TIMMDC1: variants seen among roughly 807,000 people sequenced by gnomAD.
The protein encoded by TIMMDC1 is translocase of inner mitochondrial membrane domain containing 1, also known as complex I assembly factor TIMMDC1, mitochondrial.
A neutral mutation model predicts 32.6 loss-of-function variants in TIMMDC1; 25 were observed. That is an observed-to-expected ratio of 0.77 (90% CI 0.56 to 1.07). TIMMDC1 has a LOEUF of 1.07. Among genes scored for constraint, TIMMDC1 ranks in the 50% least tolerant of loss-of-function variants. The probability of loss-of-function intolerance (pLI) is 0.00; values close to 1 mark genes in which losing one functional copy is unlikely to be tolerated. For synonymous variants in TIMMDC1, 130 were observed against 127.6 expected (o/e 1.02, Z -0.13); for missense variants, 329 against 349.2 (o/e 0.94, Z 0.46).
intron 5 of TIMMDC1, among the ~76,000 whole-genome samples, chr3:119,516,833 A>G (rs1374406411): frequency 1.3e-5 from 2 of 152,168 alleles, no homozygotes; most frequent in Non-Finnish European, 2.9e-5. Context: ...CTGAACTAGA[A>G]ATTTCATTTT....
intron 4 of TIMMDC1, among the ~76,000 whole-genome samples, chr3:119,509,377 A>G (rs1322717200): frequency 6.6e-6 from 1 of 152,244 alleles, no homozygotes; most frequent in Non-Finnish European, 1.5e-5. Context: ...TAGTGAATGG[A>G]TAAATAAAAT....
intron 5 of TIMMDC1, among the ~76,000 whole-genome samples, 182 bp downstream of exon 5, chr3:119,513,901 T>C (rs1413248628): frequency 6.6e-6 from 1 of 152,246 alleles, no homozygotes; most frequent in Non-Finnish European, 1.5e-5. Context: ...GTTTATCTTA[T>C]TTACAGTTTT....
intron 4 of TIMMDC1, among the ~76,000 whole-genome samples, chr3:119,506,272 C>T (rs931472272): frequency 6.6e-6 from 1 of 152,130 alleles, no homozygotes; most frequent in Non-Finnish European, 1.5e-5. Context: ...CGCCTGTAAC[C>T]AGCACTTTGG....
At chr3:119,507,704 A>G (rs905267391) in intron 4 of TIMMDC1, among the ~76,000 whole-genome samples, 1 of 152,146 alleles carries the variant, frequency 6.6e-6, no homozygotes, top group East Asian at 1.9e-4. Context: ...TTTGCCTTTT[A>G]GGATGCCTTG....
intron 1 of TIMMDC1, 32 bp downstream of exon 1, chr3:119,498,959 G>A (rs749131552): frequency 6.2e-7 from 1 of 1,606,798 alleles, no homozygotes; most frequent in African/African-American, 1.3e-5. Context: ...AGTGGGGTAG[G>A]GGGCCGCGAA....
chr3:119,510,966 A>G (rs1215531150), intron 4 of TIMMDC1, among the ~76,000 whole-genome samples: 1 of 152,218 alleles, frequency 6.6e-6, no homozygotes, highest in Non-Finnish European at 1.5e-5. Flanking sequence ...GACTCCCCCA[A>G]AACTTAACTA....
intron 6 of TIMMDC1, among the ~76,000 whole-genome samples, chr3:119,520,600 T>C (rs2082019345): frequency 1.3e-5 from 2 of 152,054 alleles, no homozygotes; most frequent in Non-Finnish European, 2.9e-5. Flanking sequence ...ATAAAAAGTC[T>C]CCCAACAAAG....
intron 4 of TIMMDC1, among the ~76,000 whole-genome samples, chr3:119,509,931 G>A (rs56413426): frequency 0.11 from 16,091 of 151,926 alleles, 2,092 homozygotes; most frequent in African/African-American, 0.31. Context: ...TGATCCGCCC[G>A]CCTCGGCCTC....
chr3:119,515,320 T>C (rs769921962), intron 5 of TIMMDC1, among the ~76,000 whole-genome samples: 1 of 152,182 alleles, frequency 6.6e-6, no homozygotes, highest in Non-Finnish European at 1.5e-5. Context: ...TCTCTGTTCC[T>C]GGAGGCCACC....
chr3:119,502,996 C>T (rs1242522627), intron 2 of TIMMDC1, among the ~76,000 whole-genome samples: 1 of 152,144 alleles, frequency 6.6e-6, no homozygotes, highest in Non-Finnish European at 1.5e-5. Flanking sequence ...CCCTTCCCCC[C>T]TCTATTTACA....
rs114683543 is a variant in TIMMDC1, at chr3:119,506,556, G to T, written c.517+2535G>T. ...AAAACTAGAAACCAAGGAATGATAT[G>T]GTTCTGCTCTTTTTTCTCTTTCCAC... On this transcript the variant is annotated intron_variant, in intron 4 of 6. Coordinates refer to ENST00000494664, the MANE Select transcript of TIMMDC1 (RefSeq NM_016589.4). Among the ~76,000 whole-genome samples, 1,115 of 150,598 alleles carry T rather than the reference G, an allele frequency of 7.4e-3. 19 individuals carry two copies. The highest frequency in any genetic ancestry group is 0.072 in the South Asian group (343 of 4,772).
At chr3:119,499,610 A>C (rs2081854416) in intron 1 of TIMMDC1, among the ~76,000 whole-genome samples, 1 of 146,598 alleles carries the variant, frequency 6.8e-6, no homozygotes, top group Non-Finnish European at 1.5e-5. Context: ...TAGAGACAGG[A>C]TTTCACCATT....
rs2081869105 is a variant in TIMMDC1 at position 119,500,818 on chromosome 3, G to A, written c.318G>A (p.Glu106=). Residue 106 remains glutamate (E), a synonymous_variant, in exon 2 of 7, where the codon GAG becomes GAA. Coordinates refer to ENST00000494664, the MANE Select transcript of TIMMDC1 (RefSeq NM_016589.4). ...AFIHAKQQYI[E]QSQAEIYHNR... is the part of the protein sequence containing the mutation. ...TTCATGCTAAACAACAATACATTGAGCAGAGCCAGGCAGAAATTTATCATA... is the reference window on the plus strand; with the variant it reads ...TTCATGCTAAACAACAATACATTGAACAGAGCCAGGCAGAAATTTATCATA... The A allele has an allele frequency of 6.2e-7, 1 of 1,614,070 alleles. No individual in the cohort carries two copies. Among genetic ancestry groups the A allele is most frequent in the African/African-American group, 1.3e-5 (1 of 75,042 alleles).
intron 1 of TIMMDC1, chr3:119,500,382 A>C (rs1326061720): frequency 3.3e-5 from 7 of 213,370 alleles, no homozygotes; most frequent in African/African-American, 6.9e-5. Flanking sequence ...GAATTTTCAC[A>C]AACTGAACAT....
At chr3:119,521,149 A>C (rs2082024072) in intron 6 of TIMMDC1, among the ~76,000 whole-genome samples, 1 of 152,224 alleles carries the variant, frequency 6.6e-6, no homozygotes, top group Non-Finnish European at 1.5e-5. Flanking sequence ...GGAAAAGTGA[A>C]AAGCTTTTCC....
intron 4 of TIMMDC1, among the ~76,000 whole-genome samples, chr3:119,505,899 A>G (rs1465380682): frequency 6.6e-6 from 1 of 151,998 alleles, no homozygotes; most frequent in East Asian, 1.9e-4. Flanking sequence ...GAAAACACAC[A>G]ATTTGAACTT....
At chr3:119,500,400 C>T in intron 1 of TIMMDC1, 1 of 280,954 alleles carries the variant, frequency 3.6e-6, no homozygotes. Context: ...CATAGCTGTA[C>T]CCAGCACTAA....
chr3:119,509,420 A>C (rs2081938870), intron 4 of TIMMDC1, among the ~76,000 whole-genome samples: 1 of 152,232 alleles, frequency 6.6e-6, no homozygotes, highest in Admixed American at 6.5e-5. Flanking sequence ...TATTTTCATC[A>C]GTAAAAAACT....
intron 4 of TIMMDC1, among the ~76,000 whole-genome samples, chr3:119,505,079 CA>C (rs11290294): frequency 0.35 from 33,570 of 95,680 alleles, 3,839 homozygotes; most frequent in African/African-American, 0.43. Context: ...ACTCTTGTCT[CA>C]AAAAAAAAAA....
Sources: gnomAD v4.1 joint callset for allele counts (sites outside exome capture counted in the v4.1 genomes callset) on GRCh38, gnomAD v4.1.1 for gene constraint, MANE v1.5 for transcripts, NCBI Gene and HGNC (gene_info 2026-07-23, HGNC 2026-07-21) for gene names.